The following ANKRD30A variants were observed in gnomAD, a reference collection of about 807,000 sequenced individuals.
ANKRD30A encodes the protein ankyrin repeat domain 30A.
In ANKRD30A, 170 loss-of-function variants were observed where a neutral mutation model predicts 166.3. The ratio of observed to expected loss-of-function variants is 1.02; its 90% confidence interval spans 0.90 to 1.16. The LOEUF is 1.16. ANKRD30A is among the 50% of genes most tolerant of loss of function. The pLI is 0.00. For missense variants in ANKRD30A, 1,630 were observed against 1,518.0 expected (o/e 1.07, Z -1.23); for synonymous variants, 564 against 508.9 (o/e 1.11, Z -1.46).
chr10:37,196,091 CTATTTT>C, intron 27 of ANKRD30A, among the ~76,000 whole-genome samples: 1 of 115,636 alleles, frequency 8.6e-6, no homozygotes, highest in African/African-American at 3.1e-5. Context: ...TTTATATTTT[CTATTTT>C]TTTTTTTTTT....
chr10:37,184,404 G>T (rs1840275640), intron 24 of ANKRD30A: 1 of 32,026 alleles, frequency 3.1e-5, no homozygotes, highest in Admixed American at 3.3e-4. Context: ...GGACAAACAA[G>T]AAAGAATGTA....
chr10:37,237,268 T>A (rs1843706410), downstream of ANKRD30A, among the ~76,000 whole-genome samples: 1 of 152,206 alleles, frequency 6.6e-6, no homozygotes. Context: ...TGCTCTGAGT[T>A]TGTGTTGCCT....
At chr10:37,254,624 A>AT in the ANKRD30A span, among the ~76,000 whole-genome samples, 1 of 150,194 alleles carries the variant, frequency 6.7e-6, no homozygotes, top group Non-Finnish European at 1.5e-5. Context: ...CTAATCAAAT[A>AT]TATAATTTGC....
rs1564589247 is a variant in ANKRD30A at position 37,219,898 on chromosome 10, G to T, written c.4185+1G>T. On this transcript the variant is annotated splice_donor_variant, in intron 34 of 35. Coordinates refer to ENST00000361713, the MANE Select transcript of ANKRD30A (RefSeq NM_052997.3). LOFTEE classifies it high-confidence loss of function. ...TGAAAAAGAGAAAGCAGAAACAGAA[G>T]TAAGTATCAAAAAATATAAATACTT... The T allele has an allele frequency of 6.1e-6, 9 of 1,476,392 alleles. No homozygotes were observed. The highest frequency in any genetic ancestry group is 1.4e-5 in the South Asian group (1 of 72,482). The allele number at this position is 1,476,392 out of a possible 1,614,324, so 91.5% of individuals were successfully genotyped here. A position where few individuals can be genotyped will look rare whatever the true frequency, so the allele number is the denominator to read the frequency against.
intron 6 of ANKRD30A, 148 bp downstream of exon 6, chr10:37,136,819 G>A (rs1031870991): frequency 7.3e-5 from 16 of 220,500 alleles, no homozygotes; most frequent in Non-Finnish European, 1.4e-4. Flanking sequence ...GTGTATGTGT[G>A]TGTGTGTGTG....
At chr10:37,138,195 CAGAA>C (rs1412755228) in intron 6 of ANKRD30A, among the ~76,000 whole-genome samples, 2 of 152,108 alleles carry the variant, frequency 1.3e-5, no homozygotes, top group East Asian at 3.9e-4. Flanking sequence ...AACTAACAAA[CAGAA>C]AGGACATCCA....
intron 4 of ANKRD30A, among the ~76,000 whole-genome samples, chr10:37,133,602 CTAT>C (rs1369467962): frequency 1.3e-5 from 2 of 152,152 alleles, no homozygotes; most frequent in African/African-American, 4.8e-5. Flanking sequence ...GAAGTATAAA[CTAT>C]TATGTCAGAC....
At chr10:37,130,129 C>T in intron 2 of ANKRD30A, 76 bp from the exon 3 acceptor site, 1 of 1,156,826 alleles carries the variant, frequency 8.6e-7, no homozygotes, top group East Asian at 3.2e-5. Flanking sequence ...ATTTTGATTT[C>T]CTATAATTTA....
chr10:37,142,616 G>A (rs1837226818), intron 7 of ANKRD30A, among the ~76,000 whole-genome samples: 1 of 115,774 alleles, frequency 8.6e-6, no homozygotes, highest in East Asian at 2.7e-4. Context: ...ACAGAGTCTC[G>A]AACTGTCCCC....
At position 37,136,626 on chromosome 10, in the gene ANKRD30A, G is replaced by T; in HGVS notation, c.775G>T (p.Glu259Ter). The T allele has an allele frequency of 1.4e-6, 2 of 1,393,818 alleles. No individual in the cohort carries two copies. The highest frequency in any genetic ancestry group is 9.9e-7 in the Non-Finnish European group (1 of 1,013,766). 86.3% of individuals were successfully genotyped at this position (1,393,818 alleles called of 1,614,324 possible). The change falls in exon 6 of 36, where the codon GAA (glutamate) becomes TAA (stop). Residue 259 changes from glutamate to a stop codon, truncating the protein, a stop_gained. Coordinates refer to ENST00000361713, the MANE Select transcript of ANKRD30A (RefSeq NM_052997.3). LOFTEE classifies it high-confidence loss of function. ...GFHHIHEQIM[E>*]YIRKLSKNHQ... ...ACATAGCATTCATGAACAAATTATG[G>T]AATATATACGAAAATTATCTAAAAA...
At chr10:37,263,195 T>TA in the ANKRD30A span, among the ~76,000 whole-genome samples, 7,080 of 135,274 alleles carry the variant, frequency 0.052, 208 homozygotes, top group Non-Finnish European at 0.065. Context: ...AATGCTCTGC[T>TA]AAAAAAAAAA....
chr10:37,245,112 T>TTA, the ANKRD30A span, among the ~76,000 whole-genome samples: 1 of 152,212 alleles, frequency 6.6e-6, no homozygotes, highest in African/African-American at 2.4e-5. Context: ...TTCAATTGTC[T>TTA]TATTAACTTA....
At chr10:37,261,490 T>C in the ANKRD30A span, among the ~76,000 whole-genome samples, 1 of 152,190 alleles carries the variant, frequency 6.6e-6, no homozygotes, top group East Asian at 1.9e-4. Context: ...TAAAGATGAA[T>C]CATAAATGAA....
chr10:37,238,661 A>G, the ANKRD30A span, among the ~76,000 whole-genome samples: 2 of 152,214 alleles, frequency 1.3e-5, no homozygotes, highest in Non-Finnish European at 2.9e-5. Context: ...TAAAGAAGTA[A>G]TGTAATCTAT....
At chr10:37,196,101 T>TTTTTA in intron 27 of ANKRD30A, among the ~76,000 whole-genome samples, 1 of 148,236 alleles carries the variant, frequency 6.7e-6, no homozygotes, top group Non-Finnish European at 1.5e-5. Context: ...CTATTTTTTT[T>TTTTTA]TTTTTTTTTT....
chr10:37,198,397 C>G (rs543218682), intron 29 of ANKRD30A, among the ~76,000 whole-genome samples: 14 of 151,862 alleles, frequency 9.2e-5, no homozygotes, highest in Admixed American at 2.0e-4. Context: ...ATGACAGTAC[C>G]ATAGTTAACT....
At chr10:37,204,990 C>T (rs1027547466) in intron 31 of ANKRD30A, among the ~76,000 whole-genome samples, 1 of 152,110 alleles carries the variant, frequency 6.6e-6, no homozygotes, top group Non-Finnish European at 1.5e-5. Context: ...AACGCTTTTA[C>T]ACTGTTGGTG....
intron 31 of ANKRD30A, among the ~76,000 whole-genome samples, chr10:37,205,734 A>G (rs766967150): frequency 3.3e-5 from 5 of 152,206 alleles, no homozygotes; most frequent in Non-Finnish European, 5.9e-5. Context: ...ACATGTATAT[A>G]TTTTTTCAGT....
At chr10:37,241,977 C>T in the ANKRD30A span, 1 of 152,158 alleles carries the variant, frequency 6.6e-6, no homozygotes, top group Non-Finnish European at 1.5e-5. Flanking sequence ...GGACATTCTA[C>T]GTGACTACAA....
Sources: gnomAD v4.1 joint callset for allele counts (sites outside exome capture counted in the v4.1 genomes callset) on GRCh38, gnomAD v4.1.1 for gene constraint, MANE v1.5 for transcripts, NCBI Gene and HGNC (gene_info 2026-07-23, HGNC 2026-07-21) for gene names.